Variants in PKD2 observed in about 807,000 individuals in gnomAD.
The protein encoded by PKD2 is polycystin-2.
Under a neutral mutation model 105.9 loss-of-function variants are expected in PKD2, and 48 were observed. The ratio of observed to expected loss-of-function variants is 0.45; its 90% CI spans 0.36 to 0.58. The LOEUF (loss-of-function observed/expected upper bound fraction) is 0.58, where lower values mean the gene tolerates loss of function less well. Ranked by LOEUF, PKD2 falls within the 20% of genes least tolerant of loss-of-function variation. PKD2 has a pLI of 0.00. For missense variants in PKD2, 1,078 were observed against 1,255.3 expected (o/e 0.86, Z 2.13); for synonymous variants, 464 against 481.1 (o/e 0.96, Z 0.46).
rs1578136003 is a variant in PKD2, at chr4:88,046,827, A to G, written c.1505A>G (p.Tyr502Cys). The G allele has an allele frequency of 2.5e-6, 4 of 1,611,692 alleles. No individual in the cohort carries two copies. The highest frequency in any genetic ancestry group is 2.2e-5 in the East Asian group (1 of 44,856). Reference sequence around the variant, plus strand: ...GAAATTCGCATTCACAAACTACACTATTTCAGGAGTTTCTGGAATTGTCTG... The same window carrying G: ...GAAATTCGCATTCACAAACTACACTGTTTCAGGAGTTTCTGGAATTGTCTG... Reference protein sequence around the residue: ...ILEIRIHKLHYFRSFWNCLDV... With the variant: ...ILEIRIHKLHCFRSFWNCLDV... The change falls in exon 6 of 15, where the codon TAT becomes TGT. Residue 502 changes from tyrosine (Y) to cysteine (C), a missense_variant. Physicochemically the swap from Tyr to Cys is radical, Grantham distance 194. Transcript: ENST00000237596.
chr4:88,056,109 C>T lies in PKD2; in HGVS notation c.1740C>T (p.Asn580=), dbSNP rs979640769. The change falls in exon 8 of 15, where the codon AAC becomes AAT. Residue 580 remains asparagine (N), a synonymous_variant. Coordinates refer to ENST00000237596, the MANE Select transcript of PKD2 (RefSeq NM_000297.4). ...AGCTCTTCAAATTCATCAATTTTAA[C>T]AGGACCATGAGCCAGCTCTCGACAA... The part of the protein sequence containing the change: ...WIKLFKFINF[N]RTMSQLSTTM... 2.5e-6 allele frequency: 4 copies of T among 1,612,858 alleles called. No individual in the cohort carries two copies.
chr4:88,064,543 G>C (rs1228033953), intron 10 of PKD2, among the ~76,000 whole-genome samples: 3 of 151,988 alleles, frequency 2.0e-5, no homozygotes, highest in African/African-American at 7.2e-5. Context: ...CAGCTTGCAT[G>C]GTCACTTACA....
intron 14 of PKD2, 107 bp downstream of exon 14, chr4:88,075,066 T>A: frequency 8.0e-7 from 1 of 1,250,732 alleles, no homozygotes; most frequent in Non-Finnish European, 1.1e-6. Context: ...TAAAAAAAAT[T>A]TACGTTTATA....
At chr4:88,044,470 T>C (rs1727696205) in intron 5 of PKD2, among the ~76,000 whole-genome samples, 1 of 152,236 alleles carries the variant, frequency 6.6e-6, no homozygotes, top group African/African-American at 2.4e-5. Context: ...CCAGTCCTTG[T>C]ATTTAACAAC....
At chr4:88,066,620 T>C (rs547514962) in intron 12 of PKD2, among the ~76,000 whole-genome samples, 7 of 152,252 alleles carry the variant, frequency 4.6e-5, no homozygotes, top group African/African-American at 1.7e-4. Context: ...CCCAAAGTGG[T>C]GGGATTACAG....
chr4:88,021,893 G>A (rs1038793179), intron 2 of PKD2, among the ~76,000 whole-genome samples: 2 of 152,190 alleles, frequency 1.3e-5, no homozygotes, highest in African/African-American at 2.4e-5. Context: ...TCCAGCTGTT[G>A]ATTATGTGAT....
intron 13 of PKD2, among the ~76,000 whole-genome samples, chr4:88,070,454 T>C (rs1720968268): frequency 6.6e-6 from 1 of 151,698 alleles, no homozygotes; most frequent in South Asian, 2.1e-4. Context: ...TTTCCCTCTC[T>C]GTTCCTCAGA....
intron 9 of PKD2, among the ~76,000 whole-genome samples, chr4:88,059,108 A>G (rs1237073529): frequency 6.6e-6 from 1 of 152,156 alleles, no homozygotes; most frequent in Non-Finnish European, 1.5e-5. Flanking sequence ...TTGATTGGGT[A>G]TTAGATGTAC....
intron 10 of PKD2, among the ~76,000 whole-genome samples, chr4:88,063,547 A>G (rs1427495843): frequency 1.3e-5 from 2 of 151,574 alleles, no homozygotes; most frequent in African/African-American, 4.9e-5. Flanking sequence ...AAAAAAAGAA[A>G]AGAAAAGAAA....
Position 88,065,450 on chromosome 4 carries a change from G to A in PKD2, c.2195G>A (p.Gly732Glu). 6.2e-7 allele frequency: 1 copy of A among 1,613,608 alleles called. No individual in the cohort carries two copies. The highest frequency in any genetic ancestry group is 1.3e-5 in the African/African-American group (1 of 75,028). The change falls in exon 11 of 15, where the codon GGA becomes GAA. Residue 732 changes from glycine to glutamate, a missense_variant. Transcript: ENST00000237596. ...VDDISESLRQ[G>E]GGKLNFDELR... is the part of the protein sequence containing the mutation. ...GACATTTCAGAGAGTCTGCGGCAAGGAGGAGGCAAGTTAAACTTTGACGAA... is the reference window on the plus strand; with the variant it reads ...GACATTTCAGAGAGTCTGCGGCAAGAAGGAGGCAAGTTAAACTTTGACGAA...
intron 5 of PKD2, among the ~76,000 whole-genome samples, chr4:88,044,045 CTCT>C (rs1216746339): frequency 3.9e-5 from 6 of 152,122 alleles, no homozygotes; most frequent in African/African-American, 1.4e-4. Flanking sequence ...TTGTCTGGGA[CTCT>C]TCTTCATTCA....
chr4:88,064,915 A>G (rs1316703912), intron 10 of PKD2, among the ~76,000 whole-genome samples: 2 of 151,692 alleles, frequency 1.3e-5, no homozygotes, highest in South Asian at 2.1e-4. Context: ...ATCCTCATCT[A>G]CATTTCACTG....
chr4:88,074,770 A>G (rs1721167717), intron 13 of PKD2, 42 bp from the exon 14 acceptor site: 7 of 1,612,078 alleles, frequency 4.3e-6, no homozygotes, highest in Non-Finnish European at 5.1e-6. Flanking sequence ...TGAAAAGACA[A>G]TGACAAGCAC....
intron 2 of PKD2, among the ~76,000 whole-genome samples, chr4:88,028,712 A>G (rs575561762): frequency 8.9e-4 from 135 of 152,372 alleles, no homozygotes; most frequent in Non-Finnish European, 2.1e-4. Context: ...CAAGGGCATC[A>G]AACTGCCTAT....
chr4:88,024,599 A>G (rs1726888371), intron 2 of PKD2, among the ~76,000 whole-genome samples: 1 of 151,988 alleles, frequency 6.6e-6, no homozygotes, highest in Admixed American at 6.6e-5. Context: ...CTCTCATTCT[A>G]TAAAATTGAG....
chr4:88,033,901 C>G (rs943310180), intron 2 of PKD2, among the ~76,000 whole-genome samples: 1 of 152,174 alleles, frequency 6.6e-6, no homozygotes. Flanking sequence ...TGGCTATAGA[C>G]TTACAGACGG....
chr4:88,070,708 C>T (rs1721001524), intron 13 of PKD2, among the ~76,000 whole-genome samples: 1 of 151,326 alleles, frequency 6.6e-6, no homozygotes, highest in Non-Finnish European at 1.5e-5. Flanking sequence ...TCATGGCTCT[C>T]TACAGCCTGA....
At chr4:88,015,905 A>G (rs184133320) in intron 1 of PKD2, among the ~76,000 whole-genome samples, 64 of 152,152 alleles carry the variant, frequency 4.2e-4, no homozygotes, top group African/African-American at 1.4e-3. Flanking sequence ...GCAGTCCCCA[A>G]CCTTTTTGGC....
In PKD2 at chr4:88,008,192, G is replaced by A; in HGVS notation, c.459G>A (p.Arg153=). ...ACGGCGCGGGCCACCCGAGCGGGAG[G>A]CGGCGCCGGCGAGAGGACCAGGGCC... is the stretch of plus-strand genomic sequence containing the variant. ...GYHGAGHPSG[R]RRRREDQGPP... The change falls in exon 1 of 15, where the codon AGG becomes AGA. Residue 153 remains arginine (R), a synonymous_variant. Coordinates refer to ENST00000237596, the MANE Select transcript of PKD2 (RefSeq NM_000297.4). 7.3e-7 allele frequency: 1 copy of A among 1,360,944 alleles called. No individual in the cohort carries two copies. The highest frequency in any genetic ancestry group is 3.7e-5 in the Admixed American group (1 of 26,928). The allele number at this position is 1,360,944 out of a possible 1,614,324, so 84.3% of individuals were successfully genotyped here. A position where few individuals can be genotyped will look rare whatever the true frequency, so the allele number is the denominator to read the frequency against.
Sources: allele counts gnomAD v4.1 joint callset (sites outside exome capture counted in the v4.1 genomes callset), GRCh38; gene constraint gnomAD v4.1.1; transcripts MANE v1.5; gene names NCBI Gene and HGNC (gene_info 2026-07-23, HGNC 2026-07-21).